Variants in MYH13 observed in about 807,000 individuals in gnomAD.
MYH13 encodes myosin heavy chain 13, also known as myosin-13.
A neutral mutation model predicts 232.1 loss-of-function variants in MYH13; 177 were observed. That is an observed-to-expected ratio of 0.76 (90% CI 0.67 to 0.86). MYH13 has a LOEUF of 0.86. Ranked by LOEUF, MYH13 falls within the 40% of genes least tolerant of loss-of-function variation. The pLI is 0.00. For missense variants in MYH13, 2,246 were observed against 2,405.9 expected, an observed-to-expected ratio of 0.93 and a Z score of 1.39; for synonymous variants, 884 against 923.5, an observed-to-expected ratio of 0.96 and a Z score of 0.78.
intron 2 of MYH13, among the ~76,000 whole-genome samples, chr17:10,370,523 T>C (rs576223829): frequency 1.6e-4 from 24 of 152,234 alleles, no homozygotes; most frequent in African/African-American, 5.1e-4. Flanking sequence ...GGCCTTCTAA[T>C]TGAGATGACT....
In MYH13 at chr17:10,315,774, CAG is replaced by C; in HGVS notation, c.3901_3902del (p.Leu1301AspfsTer19). ...LSHRVEEKES[L>X]ISQLTKSKQA... ...GCTTGCTTTTGGTCAGCTGTGAAATCAGAGACTCCTTCTCTTCCACTCGGTGG... is the reference window on the plus strand; with the variant it reads ...GCTTGCTTTTGGTCAGCTGTGAAATCAGACTCCTTCTCTTCCACTCGGTGG... On this transcript the variant is annotated frameshift_variant, in exon 29 of 41. Transcript: ENST00000252172. LOFTEE classifies it high-confidence loss of function. 1.2e-6 allele frequency: 2 copies of C among 1,614,006 alleles called. No homozygotes were observed. Among genetic ancestry groups the C allele is most frequent in the Non-Finnish European group, 1.7e-6 (2 of 1,179,882 alleles).
chr17:10,353,750 G>A (rs1215611831), intron 11 of MYH13, among the ~76,000 whole-genome samples: 2 of 152,128 alleles, frequency 1.3e-5, no homozygotes, highest in East Asian at 1.9e-4. Flanking sequence ...TGCATGCCTT[G>A]TAGTTCCAGC....
intron 18 of MYH13, 116 bp from the exon 19 acceptor site, chr17:10,333,307 G>A: frequency 1.3e-6 from 1 of 745,694 alleles, no homozygotes; most frequent in Non-Finnish European, 2.3e-6. Context: ...TCAGTGAGTG[G>A]GAGAGTCAGT....
Position 10,306,815 on chromosome 17 carries a change from T to C in MYH13, c.5295+124A>G. ...CTGAGACTGTACCTCATTACATCTG[T>C]CTGGGAAGCCACCACTAACCGATTG... On this transcript the variant is annotated intron_variant, in intron 36 of 40. Coordinates refer to ENST00000252172, the MANE Select transcript of MYH13 (RefSeq NM_003802.3). This position sits in a 1 kb window ranked among gnomAD's most constrained non-coding sequence, Gnocchi z 4.3. 2 of 1,553,684 alleles carry C rather than the reference T, an allele frequency of 1.3e-6. No homozygotes were observed. The highest frequency in any genetic ancestry group is 1.7e-6 in the Non-Finnish European group (2 of 1,154,468).
chr17:10,333,077 TGCTTGAAGTCA>T lies in MYH13; in HGVS notation c.2160_2170del (p.Asp721AlafsTer12). ...GCACAGGAGAGAGGGAACCTACCGCTGCTTGAAGTCAGCATAGAGGATCCGGCTGGGGAATC... is the reference window on the plus strand; with the variant it reads ...GCACAGGAGAGAGGGAACCTACCGCTGCATAGAGGATCCGGCTGGGGAATC... On this transcript the variant is annotated frameshift_variant, in exon 19 of 41. Coordinates refer to ENST00000252172, the MANE Select transcript of MYH13 (RefSeq NM_003802.3). LOFTEE classifies it high-confidence loss of function. 4 of 1,548,344 alleles carry T rather than the reference TGCTTGAAGTCA, an allele frequency of 2.6e-6. No homozygotes were observed. The highest frequency in any genetic ancestry group is 3.5e-6 in the Non-Finnish European group (4 of 1,143,822).
chr17:10,315,775 A>G lies in MYH13; in HGVS notation c.3902T>C (p.Leu1301Pro), dbSNP rs200968432. 86 of 1,613,916 alleles carry G rather than the reference A, an allele frequency of 5.3e-5. No homozygotes were observed. The highest frequency in any genetic ancestry group is 6.9e-5 in the Non-Finnish European group (82 of 1,179,862). The change falls in exon 29 of 41, where the codon CTG becomes CCG. Residue 1301 changes from leucine to proline, a missense_variant. Coordinates refer to ENST00000252172, the MANE Select transcript of MYH13 (RefSeq NM_003802.3). ...CTTGCTTTTGGTCAGCTGTGAAATC[A>G]GAGACTCCTTCTCTTCCACTCGGTG... ...LSHRVEEKES[L>P]ISQLTKSKQA... is the part of the protein sequence containing the mutation.
chr17:10,364,568 G>A, intron 2 of MYH13, 26 bp from the exon 3 acceptor site: 1 of 1,550,854 alleles, frequency 6.4e-7, no homozygotes, highest in South Asian at 1.2e-5. Flanking sequence ...GGACTGCTGA[G>A]TCTTGTGCTT....
At position 10,342,862 on chromosome 17, in the gene MYH13, G is replaced by A. The variant is rs577992956; in HGVS notation, c.1894+938C>T. 3.5e-3 allele frequency among the ~76,000 whole-genome samples: 535 copies of A among 152,052 alleles called. 2 individuals are homozygous for A. The highest frequency in any genetic ancestry group is 0.012 in the African/African-American group (503 of 41,454). On this transcript the variant is annotated intron_variant, in intron 16 of 40. Transcript: ENST00000252172. ...TCCCAGCACTTTGGGAGGTCGAGGC[G>A]GGTGGATCACAAGGTCAGGAGATCG...
At chr17:10,333,025 A>C in intron 19 of MYH13, 49 bp downstream of exon 19, 1 of 1,413,308 alleles carries the variant, frequency 7.1e-7, no homozygotes, top group South Asian at 1.2e-5. Flanking sequence ...AGGGAAATGC[A>C]AAAGGTGCCC....
intron 8 of MYH13, 124 bp from the exon 9 acceptor site, chr17:10,355,271 G>C (rs1441985803): frequency 4.8e-6 from 5 of 1,051,334 alleles, no homozygotes; most frequent in Non-Finnish European, 7.0e-6. Context: ...AGAACTGAAG[G>C]CCTGCTTTGG....
chr17:10,343,261 A>G (rs1275459213), intron 16 of MYH13, among the ~76,000 whole-genome samples: 2 of 152,010 alleles, frequency 1.3e-5, no homozygotes, highest in African/African-American at 4.8e-5. Flanking sequence ...GCAGTGATGC[A>G]AACTCCATTC....
chr17:10,334,394 C>A lies in MYH13; in HGVS notation c.2057-1203G>T, dbSNP rs189918151. Among the ~76,000 whole-genome samples, 75 of 152,328 alleles carry A rather than the reference C, an allele frequency of 4.9e-4. 1 individual carries two copies. In the East Asian group the frequency reaches 9.8e-3, roughly 20 times the overall value. On this transcript the variant is annotated intron_variant, in intron 18 of 40. Coordinates refer to ENST00000252172, the MANE Select transcript of MYH13 (RefSeq NM_003802.3). The stretch of plus-strand genomic sequence containing the variant: ...GTGACCAGCCACATGTGGCTATTTA[C>A]ATTTAAATTCATTAAAATTAAAAAT...
intron 19 of MYH13, among the ~76,000 whole-genome samples, chr17:10,332,838 G>C (rs1267950376): frequency 6.6e-6 from 1 of 152,192 alleles, no homozygotes; most frequent in Non-Finnish European, 1.5e-5. Flanking sequence ...TACAGAAGTT[G>C]AGACATCCTG....
intron 35 of MYH13, among the ~76,000 whole-genome samples, chr17:10,307,554 G>A (rs1470642857): frequency 6.6e-6 from 1 of 151,916 alleles, no homozygotes; most frequent in Non-Finnish European, 1.5e-5. Flanking sequence ...TAAAATACTA[G>A]AAGAAATTCA....
At chr17:10,310,992 A>G in intron 33 of MYH13, 111 bp downstream of exon 33, 1 of 1,359,022 alleles carries the variant, frequency 7.4e-7, no homozygotes, top group Non-Finnish European at 1.0e-6. Context: ...TGTTACTCCC[A>G]ATGGAGACTC....
chr17:10,315,045 A>G (rs1246672049), intron 29 of MYH13, among the ~76,000 whole-genome samples: 5 of 152,106 alleles, frequency 3.3e-5, no homozygotes, highest in Non-Finnish European at 7.4e-5. Flanking sequence ...AAGAAAGAGG[A>G]GGGGGATTTC....
At chr17:10,337,912 G>A (rs1258113337) in intron 18 of MYH13, among the ~76,000 whole-genome samples, 1 of 152,144 alleles carries the variant, frequency 6.6e-6, no homozygotes, top group Admixed American at 6.5e-5. Flanking sequence ...AATTAGCTGG[G>A]CATGATGATG....
intron 12 of MYH13, among the ~76,000 whole-genome samples, chr17:10,347,712 CTTTTTTTTT>C (rs71139041): frequency 1.2e-5 from 1 of 86,722 alleles, no homozygotes; most frequent in African/African-American, 4.5e-5. Flanking sequence ...GGGACTACTT[CTTTTTTTTT>C]TTTTTTTTTT....
intron 2 of MYH13, 141 bp from the exon 3 acceptor site, chr17:10,364,683 G>C (rs1425778222): frequency 4.4e-6 from 3 of 680,104 alleles, no homozygotes; most frequent in Non-Finnish European, 7.4e-6. Flanking sequence ...CTATGGCCAG[G>C]TCTAGGAGCT....
Sources: gnomAD v4.1 joint callset for allele counts (sites outside exome capture counted in the v4.1 genomes callset) on GRCh38, gnomAD v4.1.1 for gene constraint, Gnocchi (gnomAD v3.1) non-coding constraint, MANE v1.5 for transcripts, NCBI Gene and HGNC (gene_info 2026-07-23, HGNC 2026-07-21) for gene names.